Variants in SRD5A2 observed in about 807,000 individuals in gnomAD.
SRD5A2 encodes the protein steroid 5 alpha-reductase 2, also known as 3-oxo-5-alpha-steroid 4-dehydrogenase 2.
SRD5A2 carries 30 observed loss-of-function variants against 27.4 expected under a neutral mutation model. The ratio of observed to expected loss-of-function variants is 1.10; its 90% CI spans 0.82 to 1.49. SRD5A2 has a LOEUF of 1.49. Among genes scored for constraint, SRD5A2 ranks in the 40% most tolerant of loss-of-function variants. SRD5A2 has a pLI of 0.00. For synonymous variants in SRD5A2, 141 were observed against 133.6 expected, an observed-to-expected ratio of 1.06 and a Z score of -0.38; for missense variants, 348 against 323.4, an observed-to-expected ratio of 1.08 and a Z score of -0.58.
At chr2:31,574,092 G>T (rs766925698) in intron 1 of SRD5A2, among the ~76,000 whole-genome samples, 1 of 152,178 alleles carries the variant, frequency 6.6e-6, no homozygotes, top group Non-Finnish European at 1.5e-5. Flanking sequence ...GTGGCCTGGC[G>T]GGGGCCCGTG....
rs767471127 is a variant in SRD5A2, at chr2:31,536,938, A to C, written c.282-3172T>G. Among the ~76,000 whole-genome samples the C allele has an allele frequency of 5.3e-5, 8 of 152,296 alleles. No homozygotes were observed. The South Asian group carries it at 1.2e-3, about 24-fold the overall frequency. On this transcript the variant is annotated intron_variant, in intron 1 of 4. Coordinates refer to ENST00000622030, the MANE Select transcript of SRD5A2 (RefSeq NM_000348.4). ...TGTTCTTATAGAGAGACTGATAAGT[A>C]CTCTGTAAATATAAAGTTTTTTTAT...
the SRD5A2 span, among the ~76,000 whole-genome samples, chr2:31,601,824 T>C: frequency 6.6e-6 from 1 of 151,966 alleles, no homozygotes; most frequent in African/African-American, 2.4e-5. Context: ...ATTATTTCAA[T>C]CGATGCAGAA....
At chr2:31,599,522 A>C in the SRD5A2 span, among the ~76,000 whole-genome samples, 1 of 152,078 alleles carries the variant, frequency 6.6e-6, no homozygotes, top group Non-Finnish European at 1.5e-5. Context: ...AAACTATACA[A>C]ATACGTGGAA....
the SRD5A2 span, among the ~76,000 whole-genome samples, chr2:31,648,390 G>T: frequency 6.6e-6 from 1 of 152,142 alleles, no homozygotes; most frequent in Non-Finnish European, 1.5e-5. Flanking sequence ...GTGTGGGAGT[G>T]ATTCCCTTAG....
the SRD5A2 span, among the ~76,000 whole-genome samples, chr2:31,634,926 A>T: frequency 2.0e-5 from 3 of 152,016 alleles, no homozygotes; most frequent in South Asian, 2.1e-4. Context: ...TTCTTGATTC[A>T]CTCATTCATT....
At chr2:31,628,173 T>C in the SRD5A2 span, among the ~76,000 whole-genome samples, 2 of 152,274 alleles carry the variant, frequency 1.3e-5, no homozygotes, top group Middle Eastern at 3.4e-3. Flanking sequence ...GGTGCATATA[T>C]AGTTAGGATA....
At chr2:31,569,677 CA>C (rs11421066) in intron 1 of SRD5A2, among the ~76,000 whole-genome samples, 54,207 of 138,452 alleles carry the variant, frequency 0.39, 10,190 homozygotes, top group Admixed American at 0.44. Context: ...AAACAAAAAA[CA>C]AAAAAAAAAA....
At chr2:31,537,908 G>T (rs1666058412) in intron 1 of SRD5A2, among the ~76,000 whole-genome samples, 1 of 152,060 alleles carries the variant, frequency 6.6e-6, no homozygotes. Context: ...CTCCACGTGA[G>T]AATACACCAA....
the SRD5A2 span, among the ~76,000 whole-genome samples, chr2:31,616,480 C>G: frequency 6.6e-6 from 1 of 152,234 alleles, no homozygotes; most frequent in East Asian, 1.9e-4. Flanking sequence ...CCACCTCTTA[C>G]ATCAGCATGA....
chr2:31,571,034 T>C (rs957914642), intron 1 of SRD5A2, among the ~76,000 whole-genome samples: 2 of 152,150 alleles, frequency 1.3e-5, no homozygotes, highest in Admixed American at 6.5e-5. Context: ...TTAAAATTCA[T>C]ATGGAATCAA....
rs1253791039 is a variant in SRD5A2 at position 31,523,349 on chromosome 2, T to G, written c.*2847A>C. The stretch of plus-strand genomic sequence containing the variant: ...AAGCTCTGGCTATTTTTCTCCTGCA[T>G]GAGCTCTGTAGAAATCCAGATGGCA... On this transcript the variant is annotated 3_prime_UTR_variant, in exon 5 of 5. Transcript: ENST00000622030. 2 of 213,852 alleles carry G rather than the reference T, an allele frequency of 9.4e-6. No homozygotes were observed. The highest frequency in any genetic ancestry group is 4.5e-5 in the African/African-American group (2 of 44,262). The allele number at this position is 213,852 out of a possible 1,614,324, so 13.2% of individuals were successfully genotyped here. A position where few individuals can be genotyped will look rare whatever the true frequency, so the allele number is the denominator to read the frequency against.
the SRD5A2 span, among the ~76,000 whole-genome samples, chr2:31,615,794 A>G: frequency 3.8e-3 from 574 of 152,314 alleles, 2 homozygotes; most frequent in African/African-American, 0.013. Context: ...AGCTTGTCCA[A>G]TCAAGAGGCC....
At chr2:31,619,989 G>A in the SRD5A2 span, among the ~76,000 whole-genome samples, 4 of 152,078 alleles carry the variant, frequency 2.6e-5, no homozygotes, top group South Asian at 8.3e-4. Flanking sequence ...ATTGCTTTTG[G>A]CATCTTTGTC....
the SRD5A2 span, among the ~76,000 whole-genome samples, chr2:31,631,843 C>A: frequency 9.2e-5 from 14 of 152,124 alleles, no homozygotes; most frequent in Non-Finnish European, 1.8e-4. Context: ...CAGTGTAGAC[C>A]ATCATTGGGA....
chr2:31,583,979 C>T (rs923708793), upstream of SRD5A2, among the ~76,000 whole-genome samples: 2 of 152,002 alleles, frequency 1.3e-5, no homozygotes, highest in Admixed American at 6.6e-5. Flanking sequence ...GGTAATCAGG[C>T]TTAGGATTAG....
intron 1 of SRD5A2, among the ~76,000 whole-genome samples, chr2:31,539,740 G>T (rs1466281966): frequency 1.3e-5 from 2 of 152,128 alleles, no homozygotes; most frequent in East Asian, 3.9e-4. Context: ...CTCCTCCACT[G>T]CATTCCATGG....
the SRD5A2 span, among the ~76,000 whole-genome samples, chr2:31,623,696 T>G: frequency 6.6e-6 from 1 of 152,130 alleles, no homozygotes; most frequent in Non-Finnish European, 1.5e-5. Context: ...TCAAGGGGAA[T>G]GCTTTCAAGA....
At chr2:31,618,211 A>G in the SRD5A2 span, among the ~76,000 whole-genome samples, 92 of 152,280 alleles carry the variant, frequency 6.0e-4, no homozygotes, top group African/African-American at 2.1e-3. Flanking sequence ...CACTACCACA[A>G]GAACAGCATG....
At chr2:31,598,972 G>A in the SRD5A2 span, among the ~76,000 whole-genome samples, 1 of 151,910 alleles carries the variant, frequency 6.6e-6, no homozygotes, top group African/African-American at 2.4e-5. Flanking sequence ...TAAATGAATG[G>A]AAAAAGATAT....
Sources: gnomAD v4.1 joint callset for allele counts (sites outside exome capture counted in the v4.1 genomes callset) on GRCh38, gnomAD v4.1.1 for gene constraint, MANE v1.5 for transcripts, NCBI Gene and HGNC (gene_info 2026-07-23, HGNC 2026-07-21) for gene names.